FAM169A: variants seen among roughly 807,000 people sequenced by gnomAD.
The protein encoded by FAM169A is soluble lamin-associated protein of 75 kDa.
FAM169A carries 24 observed loss-of-function variants against 75.7 expected under a neutral mutation model. The ratio of observed to expected loss-of-function variants is 0.32; its 90% CI spans 0.23 to 0.45. The LOEUF is 0.45. Ranked by LOEUF, FAM169A falls within the 20% of genes least tolerant of loss-of-function variation. The pLI is 1.00. For synonymous variants in FAM169A, 271 were observed against 271.0 expected (o/e 1.00, Z 0.00); for missense variants, 673 against 784.0 (o/e 0.86, Z 1.69).
chr5:74,844,579 G>A (rs1373134486), intron 1 of FAM169A, among the ~76,000 whole-genome samples: 1 of 152,202 alleles, frequency 6.6e-6, no homozygotes, highest in Non-Finnish European at 1.5e-5. Flanking sequence ...CGACACTCTG[G>A]GAGGCTGAGG....
chr5:74,821,114 T>G (rs1289009341), intron 5 of FAM169A, among the ~76,000 whole-genome samples: 1 of 152,218 alleles, frequency 6.6e-6, no homozygotes, highest in Non-Finnish European at 1.5e-5. Flanking sequence ...TCACATCATC[T>G]GACAGCATAT....
At chr5:74,854,110 T>C (rs1183231134) in intron 1 of FAM169A, among the ~76,000 whole-genome samples, 4 of 152,008 alleles carry the variant, frequency 2.6e-5, no homozygotes, top group South Asian at 2.1e-4. Flanking sequence ...TAATCATATA[T>C]AGGTCAGGCG....
chr5:74,866,618 C>T (rs1448559439), upstream of FAM169A: 19 of 699,326 alleles, frequency 2.7e-5, no homozygotes, highest in Non-Finnish European at 3.3e-5. Flanking sequence ...CGGCCGCCGT[C>T]ACCCGGCAGC....
At chr5:74,793,875 C>T (rs1311478457) in intron 11 of FAM169A, among the ~76,000 whole-genome samples, 3 of 151,236 alleles carry the variant, frequency 2.0e-5, no homozygotes, top group African/African-American at 4.9e-5. Flanking sequence ...TGGTGGCAGG[C>T]GCCTGTAGTC....
chr5:74,782,915 C>T lies in FAM169A; in HGVS notation c.1464+16G>A. ...ATTGGTAAACTTTATTAAAAAATAG[C>T]TCATTGCCCCCTTACCTTATCTGGT... On this transcript the variant is annotated intron_variant, in intron 12 of 12. Coordinates refer to ENST00000687041, the MANE Select transcript of FAM169A (RefSeq NM_001376049.1). The T allele has an allele frequency of 1.3e-6, 2 of 1,586,228 alleles. No homozygotes were observed. Among genetic ancestry groups the T allele is most frequent in the Non-Finnish European group, 1.7e-6 (2 of 1,159,966 alleles).
chr5:74,827,104 A>G (rs1171172620), intron 5 of FAM169A, among the ~76,000 whole-genome samples: 1 of 152,204 alleles, frequency 6.6e-6, no homozygotes, highest in Non-Finnish European at 1.5e-5. Flanking sequence ...ATCATGGGAT[A>G]CATGATGTTG....
intron 5 of FAM169A, among the ~76,000 whole-genome samples, chr5:74,829,362 C>G (rs1231843329): frequency 2.0e-5 from 3 of 152,144 alleles, no homozygotes; most frequent in Non-Finnish European, 4.4e-5. Flanking sequence ...GATTTAGCAT[C>G]TATGGTTTCT....
intron 5 of FAM169A, among the ~76,000 whole-genome samples, chr5:74,816,789 A>G (rs1747493322): frequency 6.6e-6 from 1 of 152,150 alleles, no homozygotes; most frequent in Admixed American, 6.5e-5. Context: ...CACATGTCAG[A>G]TTGTTTATAT....
intron 1 of FAM169A, among the ~76,000 whole-genome samples, chr5:74,846,541 A>G (rs1749164637): frequency 6.6e-6 from 1 of 152,258 alleles, no homozygotes; most frequent in African/African-American, 2.4e-5. Context: ...AATTCTAAAT[A>G]CGCACGTTAT....
intron 2 of FAM169A, among the ~76,000 whole-genome samples, chr5:74,840,662 T>G (rs1379814729): frequency 6.6e-6 from 1 of 151,736 alleles, no homozygotes; most frequent in African/African-American, 2.4e-5. Flanking sequence ...ACCCCATCTT[T>G]ACTAAAAATA....
intron 1 of FAM169A, among the ~76,000 whole-genome samples, chr5:74,860,994 A>G (rs1750005589): frequency 6.6e-6 from 1 of 152,064 alleles, no homozygotes; most frequent in South Asian, 2.1e-4. Context: ...AAAATTAGCC[A>G]GGCATAGCGG....
chr5:74,862,400 G>C (rs1750083946), intron 1 of FAM169A, among the ~76,000 whole-genome samples: 1 of 152,142 alleles, frequency 6.6e-6, no homozygotes, highest in African/African-American at 2.4e-5. Context: ...CATTTGCTGG[G>C]ACTGTCTCTC....
At chr5:74,799,347 A>G in intron 10 of FAM169A, 5 of 1,609,620 alleles carry the variant, frequency 3.1e-6, no homozygotes, top group Non-Finnish European at 4.3e-6. Flanking sequence ...GTGAAGCACG[A>G]CTCATTTCAG....
chr5:74,809,841 G>A (rs1316470274), intron 6 of FAM169A, among the ~76,000 whole-genome samples: 5 of 152,206 alleles, frequency 3.3e-5, no homozygotes, highest in African/African-American at 1.2e-4. Context: ...AAAACCAAGT[G>A]TTGGTGAGTA....
intron 6 of FAM169A, among the ~76,000 whole-genome samples, chr5:74,808,994 A>G (rs1437979540): frequency 6.6e-6 from 1 of 152,206 alleles, no homozygotes; most frequent in Non-Finnish European, 1.5e-5. Flanking sequence ...TTTAGTTTCC[A>G]AAACTAAAAG....
intron 1 of FAM169A, among the ~76,000 whole-genome samples, chr5:74,847,555 T>G (rs541277451): frequency 2.6e-5 from 4 of 152,286 alleles, no homozygotes; most frequent in Admixed American, 2.0e-4. Context: ...TTAAGACCTA[T>G]GAAACCACCA....
At chr5:74,806,960 A>AG (rs150895342) in intron 6 of FAM169A, among the ~76,000 whole-genome samples, 3,642 of 152,282 alleles carry the variant, frequency 0.024, 146 homozygotes, top group African/African-American at 0.084. Context: ...TCACACCTGC[A>AG]GGATATGACA....
chr5:74,790,776 T>C (rs893994172), intron 11 of FAM169A, among the ~76,000 whole-genome samples: 1 of 152,164 alleles, frequency 6.6e-6, no homozygotes, highest in Non-Finnish European at 1.5e-5. Context: ...CACTGCTGAG[T>C]GCCCAACTTG....
chr5:74,808,402 T>C (rs1464944385), intron 6 of FAM169A, among the ~76,000 whole-genome samples: 1 of 150,964 alleles, frequency 6.6e-6, no homozygotes, highest in Non-Finnish European at 1.5e-5. Context: ...TATGATTCCA[T>C]TTAGATGAGG....
Sources: allele counts gnomAD v4.1 joint callset (sites outside exome capture counted in the v4.1 genomes callset), GRCh38; gene constraint gnomAD v4.1.1; transcripts MANE v1.5; gene names NCBI Gene and HGNC (gene_info 2026-07-23, HGNC 2026-07-21).